Variants in MIA2 observed in about 807,000 individuals in gnomAD.
MIA2 encodes MIA SH3 domain ER export factor 2, also known as melanoma inhibitory activity protein 2.
Under a neutral mutation model 167.8 loss-of-function variants are expected in MIA2, and 127 were observed. The ratio of observed to expected loss-of-function variants is 0.76; its 90% confidence interval spans 0.66 to 0.88. MIA2 has a LOEUF of 0.88. Ranked by LOEUF, MIA2 falls within the 40% of genes least tolerant of loss-of-function variation. The pLI, the probability that MIA2 is intolerant of heterozygous loss-of-function variation, is 0.00. For synonymous variants in MIA2, 552 were observed against 541.9 expected, an observed-to-expected ratio of 1.02 and a Z score of -0.26; for missense variants, 1,690 against 1,624.7, an observed-to-expected ratio of 1.04 and a Z score of -0.69.
At chr14:39,273,495 G>C (rs1025688062) in intron 6 of MIA2, among the ~76,000 whole-genome samples, 1 of 152,080 alleles carries the variant, frequency 6.6e-6, no homozygotes, top group Non-Finnish European at 1.5e-5. Context: ...TGGGACCACA[G>C]GCATGTGCCA....
intron 23 of MIA2, 48 bp downstream of exon 23, chr14:39,319,339 T>C: frequency 1.1e-6 from 1 of 876,800 alleles, no homozygotes; most frequent in Non-Finnish European, 1.7e-6. Flanking sequence ...ATTTTACATA[T>C]ATATATATAT....
chr14:39,277,026 T>A lies in MIA2; in HGVS notation c.1980T>A (p.Phe660Leu). ...TGATATGTGCAGCTGTTGTTGGATT[T>A]TTTGCTGTTCTCTTTTTTTTGTGGA... ...ELVICAAVVG[F>L]FAVLFFLWRS... The change falls in exon 7 of 29, where the codon TTT (phenylalanine) becomes TTA (leucine). Residue 660 changes from phenylalanine to leucine, a missense_variant. By Grantham distance (22) the Phe-to-Leu change is conservative (BLOSUM62 0). Coordinates refer to ENST00000640607, the MANE Select transcript of MIA2 (RefSeq NM_001329214.4). 1.2e-6 allele frequency: 2 copies of A among 1,613,902 alleles called. No homozygotes were observed. The highest frequency in any genetic ancestry group is 1.7e-6 in the Non-Finnish European group (2 of 1,179,866).
intron 23 of MIA2, among the ~76,000 whole-genome samples, chr14:39,367,609 C>A (rs964410189): frequency 1.3e-5 from 2 of 152,246 alleles, no homozygotes; most frequent in African/African-American, 2.4e-5. Context: ...GGGCACCCAG[C>A]TGAGCTGGCT....
At chr14:39,270,194 G>T (rs61998551) in intron 6 of MIA2, among the ~76,000 whole-genome samples, 25,218 of 133,148 alleles carry the variant, frequency 0.19, 2,394 homozygotes, top group Middle Eastern at 0.31. Context: ...ATTTCACTCT[G>T]TTGTGGTTTT....
At chr14:39,296,125 C>G (rs1172064379) in intron 13 of MIA2, among the ~76,000 whole-genome samples, 1 of 152,052 alleles carries the variant, frequency 6.6e-6, no homozygotes, top group African/African-American at 2.4e-5. Context: ...CACTTCACCC[C>G]CATCCTAAAG....
chr14:39,288,449 A>G (rs191831847), intron 9 of MIA2, among the ~76,000 whole-genome samples: 2 of 4,372 alleles, frequency 4.6e-4, no homozygotes. Flanking sequence ...ATATATATAT[A>G]TATATATATA....
At position 39,277,674 on chromosome 14, in the gene MIA2, ATATATATATATATGTGTG is replaced by A. The variant is rs2058221918; in HGVS notation, c.2019+623_2019+640del. ...GGAATCTTTTAATGTAAGATCTTTTATATATATATATATGTGTGTATATATATATATATATATATATGT... is the reference window on the plus strand; with the variant it reads ...GGAATCTTTTAATGTAAGATCTTTTATATATATATATATATATATATATGT... On this transcript the variant is annotated intron_variant, in intron 7 of 28. Transcript: ENST00000640607. Among the ~76,000 whole-genome samples, 2 of 11,038 alleles carry A rather than the reference ATATATATATATATGTGTG, an allele frequency of 1.8e-4. 1 individual carries two copies. The highest frequency in any genetic ancestry group is 1.4e-3 in the African/African-American group (2 of 1,422). The allele number at this position is 11,038 out of a possible 152,430, so 7.2% of individuals were successfully genotyped here.
Position 39,277,108 on chromosome 14 carries a change from C to T in MIA2, c.2019+43C>T, listed in dbSNP as rs774861205. On this transcript the variant is annotated intron_variant, in intron 7 of 28. Transcript: ENST00000640607. ...TACTAAGAGAATGTTCATTTTGTCACTGGGCTGAACAAATAATATGAGAAA... is the reference window on the plus strand; with the variant it reads ...TACTAAGAGAATGTTCATTTTGTCATTGGGCTGAACAAATAATATGAGAAA... 4.5e-6 allele frequency: 7 copies of T among 1,563,800 alleles called. No homozygotes were observed. The Admixed American group carries it at 1.2e-4, about 26-fold the overall frequency.
intron 23 of MIA2, among the ~76,000 whole-genome samples, chr14:39,365,650 C>CCTATCTATCTATCTAT (rs3065047): frequency 6.8e-6 from 1 of 147,872 alleles, no homozygotes; most frequent in East Asian, 2.0e-4. Context: ...TTTAAAAATA[C>CCTATCTATCTATCTAT]CTATCTATCT....
chr14:39,291,806 A>G (rs548877064), intron 10 of MIA2, among the ~76,000 whole-genome samples: 1 of 152,316 alleles, frequency 6.6e-6, no homozygotes. Context: ...TAATTTAGCT[A>G]AACTAAGACA....
chr14:39,318,760 G>A (rs1055455720), intron 22 of MIA2, among the ~76,000 whole-genome samples: 1 of 152,100 alleles, frequency 6.6e-6, no homozygotes, highest in African/African-American at 2.4e-5. Context: ...GGAATCATGA[G>A]TGTCACGTTA....
At position 39,303,515 on chromosome 14, in the gene MIA2, T is replaced by C; in HGVS notation, c.2778T>C (p.His926=). Residue 926 remains histidine, a synonymous_variant, in exon 16 of 29, where the codon CAT becomes CAC. Coordinates refer to ENST00000640607, the MANE Select transcript of MIA2 (RefSeq NM_001329214.4). ...AAGGAGCTTTGAAGAAACTGATTCATGCTGCTAAGGTTTGTGCTATTAGAT... is the reference window on the plus strand; with the variant it reads ...AAGGAGCTTTGAAGAAACTGATTCACGCTGCTAAGGTTTGTGCTATTAGAT... ...PPKGALKKLI[H]AAKLNASLKT... is the part of the protein sequence containing the mutation. The C allele has an allele frequency of 6.2e-7, 1 of 1,610,844 alleles. No individual in the cohort carries two copies. Among genetic ancestry groups the C allele is most frequent in the South Asian group, 1.1e-5 (1 of 90,860 alleles).
At chr14:39,349,998 TAAAAG>T in intron 28 of MIA2, 95 bp from the exon 29 acceptor site, 1 of 512,470 alleles carries the variant, frequency 2.0e-6, no homozygotes, top group Non-Finnish European at 3.6e-6. Flanking sequence ...AATTTTCAAA[TAAAAG>T]AATAGGTAAT....
chr14:39,386,548 AT>A, intron 23 of MIA2: 1 of 1,277,962 alleles, frequency 7.8e-7, no homozygotes, highest in East Asian at 2.4e-5. Flanking sequence ...TTCTTTGGTG[AT>A]TTTCTTTTGG....
intron 4 of MIA2, among the ~76,000 whole-genome samples, chr14:39,250,579 C>A (rs2054518021): frequency 6.6e-6 from 1 of 151,780 alleles, no homozygotes; most frequent in Admixed American, 6.6e-5. Context: ...CCCTGTAATC[C>A]CAGCTACTTG....
intron 6 of MIA2, chr14:39,267,150 C>G (rs2055905258): frequency 8.6e-7 from 1 of 1,161,172 alleles, no homozygotes; most frequent in Non-Finnish European, 1.1e-6. Flanking sequence ...CGCGGCTGCC[C>G]GGCCGAAACC....
At chr14:39,354,675 A>G (rs1293970719), downstream of MIA2, among the ~76,000 whole-genome samples, 1 of 152,102 alleles carries the variant, frequency 6.6e-6, no homozygotes. Flanking sequence ...GTTTTCTTCT[A>G]GGGTTTTTAT....
At chr14:39,290,271 T>G (rs572385806) in intron 9 of MIA2, among the ~76,000 whole-genome samples, 92 of 152,308 alleles carry the variant, frequency 6.0e-4, no homozygotes, top group African/African-American at 2.0e-3. Context: ...GGATTCCCAC[T>G]TCTCTCACAA....
intron 13 of MIA2, 93 bp downstream of exon 13, chr14:39,295,122 A>G: frequency 1.2e-6 from 1 of 845,274 alleles, no homozygotes. Flanking sequence ...GGACAAGTAT[A>G]GGCTTTTCCT....
Sources: gnomAD v4.1 joint callset for allele counts (sites outside exome capture counted in the v4.1 genomes callset) on GRCh38, gnomAD v4.1.1 for gene constraint, MANE v1.5 for transcripts, NCBI Gene and HGNC (gene_info 2026-07-23, HGNC 2026-07-21) for gene names.